The following ZMIZ1 variants were observed in gnomAD, a reference collection of about 807,000 sequenced individuals.
ZMIZ1 encodes zinc finger MIZ-type containing 1.
In ZMIZ1, 17 loss-of-function variants were observed where a neutral mutation model predicts 113.9. The observed-to-expected ratio is 0.15, with a 90% confidence interval of 0.10 to 0.22. The LOEUF (loss-of-function observed/expected upper bound fraction) is 0.22. Among genes scored for constraint, ZMIZ1 ranks in the 10% least tolerant of loss-of-function variants. The pLI is 1.00. For missense variants in ZMIZ1, 1,059 were observed against 1,477.8 expected (o/e 0.72, Z 4.65); for synonymous variants, 607 against 603.1 (o/e 1.01, Z -0.09).
At position 79,309,930 on chromosome 10, in the gene ZMIZ1, G is replaced by T. The variant is rs558082970; in HGVS notation, c.2836-994G>T. 1.4e-4 allele frequency among the ~76,000 whole-genome samples: 22 copies of T among 152,296 alleles called. No individual in the cohort carries two copies. In the South Asian group the frequency reaches 4.3e-3, roughly 30 times the overall value. On this transcript the variant is annotated intron_variant, in intron 23 of 24. Transcript: ENST00000334512. Reference sequence around the variant, plus strand: ...CAGGGATGCTTGCAGTGGGATCAGGGCTTGGTCTGCGAGGATTCCCCGGCC... The same window carrying T: ...CAGGGATGCTTGCAGTGGGATCAGGTCTTGGTCTGCGAGGATTCCCCGGCC...
At chr10:79,125,160 T>C (rs11002844) in intron 2 of ZMIZ1, among the ~76,000 whole-genome samples, 2,931 of 152,258 alleles carry the variant, frequency 0.019, 41 homozygotes, top group Middle Eastern at 0.037. Context: ...GGAAAGCCAG[T>C]CTTCTCAAAT....
intron 1 of ZMIZ1, among the ~76,000 whole-genome samples, chr10:79,077,260 C>A (rs1414670518): frequency 6.6e-6 from 1 of 152,264 alleles, no homozygotes; most frequent in African/African-American, 2.4e-5. Flanking sequence ...GCACAGTGCA[C>A]AGCTCTAACC....
At chr10:79,082,883 G>A (rs939679303) in intron 1 of ZMIZ1, among the ~76,000 whole-genome samples, 4 of 152,200 alleles carry the variant, frequency 2.6e-5, no homozygotes, top group African/African-American at 9.6e-5. Context: ...AAGGCTTCCT[G>A]GCTGGGCTTG....
At chr10:79,231,741 G>C (rs1476064093) in intron 7 of ZMIZ1, among the ~76,000 whole-genome samples, 1 of 151,918 alleles carries the variant, frequency 6.6e-6, no homozygotes, top group Non-Finnish European at 1.5e-5. Context: ...ACCACGCCTG[G>C]CTAAAATACA....
intron 3 of ZMIZ1, among the ~76,000 whole-genome samples, chr10:79,143,836 G>A (rs1428893206): frequency 1.3e-5 from 2 of 152,170 alleles, no homozygotes; most frequent in South Asian, 2.1e-4. Flanking sequence ...AAGGAGACTC[G>A]GGAGCACAGT....
intron 1 of ZMIZ1, among the ~76,000 whole-genome samples, chr10:79,104,450 C>T (rs1476581955): frequency 6.6e-6 from 1 of 152,162 alleles, no homozygotes. Context: ...AGGATAATCT[C>T]CTGGCTTGTT....
intron 4 of ZMIZ1, among the ~76,000 whole-genome samples, chr10:79,197,981 C>T (rs944403414): frequency 6.6e-6 from 1 of 152,150 alleles, no homozygotes; most frequent in African/African-American, 2.4e-5. Context: ...GCATTTTGGC[C>T]AGGTGTGGTG....
Position 79,210,763 on chromosome 10 carries a change from G to A in ZMIZ1, c.174+2314G>A, listed in dbSNP as rs866179794. Among the ~76,000 whole-genome samples the A allele has an allele frequency of 2.0e-5, 3 of 152,352 alleles. No individual in the cohort carries two copies. In the South Asian group the frequency reaches 6.2e-4, roughly 32 times the overall value. ...GGCATTATTTGGAGGGCAATGGGGA[G>A]CCCTTGAAGGGTTGTCAGCAGGAGA... On this transcript the variant is annotated intron_variant, in intron 6 of 24. Coordinates refer to ENST00000334512, the MANE Select transcript of ZMIZ1 (RefSeq NM_020338.4).
intron 1 of ZMIZ1, among the ~76,000 whole-genome samples, chr10:79,082,174 G>A (rs917819545): frequency 4.7e-5 from 7 of 149,688 alleles, no homozygotes; most frequent in African/African-American, 1.7e-4. Flanking sequence ...TGGGCCTTTC[G>A]GCTCTGGCTG....
intron 1 of ZMIZ1, among the ~76,000 whole-genome samples, chr10:79,079,542 C>T (rs1842589652): frequency 6.6e-6 from 1 of 152,248 alleles, no homozygotes; most frequent in African/African-American, 2.4e-5. Flanking sequence ...GTTCACACCT[C>T]CTGCTTCTAA....
intron 6 of ZMIZ1, among the ~76,000 whole-genome samples, chr10:79,209,151 G>A (rs1848446438): frequency 6.6e-6 from 1 of 151,242 alleles, no homozygotes; most frequent in Admixed American, 6.6e-5. Flanking sequence ...CAAAGCAGCA[G>A]AGGGGCAGGA....
At chr10:79,177,601 G>C (rs1205980043) in intron 4 of ZMIZ1, among the ~76,000 whole-genome samples, 4 of 152,242 alleles carry the variant, frequency 2.6e-5, no homozygotes, top group Non-Finnish European at 5.9e-5. Context: ...CCTGCCCCGG[G>C]ATGTCCTCAC....
At chr10:79,071,587 A>C (rs1233080896) in intron 1 of ZMIZ1, among the ~76,000 whole-genome samples, 2 of 152,006 alleles carry the variant, frequency 1.3e-5, no homozygotes, top group African/African-American at 4.8e-5. Flanking sequence ...CTGCTTTGTG[A>C]GGGGGTCCAG....
intron 10 of ZMIZ1, among the ~76,000 whole-genome samples, chr10:79,291,777 C>T (rs1853512428): frequency 6.6e-6 from 1 of 152,204 alleles, no homozygotes; most frequent in South Asian, 2.1e-4. Flanking sequence ...GGTTTCTGGC[C>T]TGGGGTTGGC....
intron 4 of ZMIZ1, among the ~76,000 whole-genome samples, chr10:79,167,875 T>G (rs948690139): frequency 2.0e-5 from 3 of 152,098 alleles, no homozygotes; most frequent in Admixed American, 2.0e-4. Context: ...ATCTCAGAGG[T>G]GCCCAAAGGT....
At chr10:79,102,592 A>G (rs1282819818) in intron 1 of ZMIZ1, among the ~76,000 whole-genome samples, 1 of 152,248 alleles carries the variant, frequency 6.6e-6, no homozygotes, top group Non-Finnish European at 1.5e-5. Context: ...ACCCAATTTC[A>G]TGACTTTTCC....
intron 1 of ZMIZ1, among the ~76,000 whole-genome samples, chr10:79,094,653 G>A (rs1054430736): frequency 2.0e-5 from 3 of 152,200 alleles, no homozygotes; most frequent in Non-Finnish European, 2.9e-5. Context: ...TCTTCAGAAA[G>A]CAATGGGGCT....
At chr10:79,192,338 C>CT (rs1462651126) in intron 4 of ZMIZ1, among the ~76,000 whole-genome samples, 8 of 152,232 alleles carry the variant, frequency 5.3e-5, no homozygotes, top group African/African-American at 1.9e-4. Context: ...GGGCAGGTTG[C>CT]TAGGCATAGC....
At chr10:79,293,712 T>C (rs746802268) in intron 12 of ZMIZ1, 59 bp downstream of exon 12, 3 of 1,611,904 alleles carry the variant, frequency 1.9e-6, no homozygotes, top group East Asian at 2.2e-5. Context: ...CTTGAAGACA[T>C]GGGCCGTGGG....
Sources: gnomAD v4.1 joint callset for allele counts (sites outside exome capture counted in the v4.1 genomes callset) on GRCh38, gnomAD v4.1.1 for gene constraint, MANE v1.5 for transcripts, NCBI Gene and HGNC (gene_info 2026-07-23, HGNC 2026-07-21) for gene names.